TOX: variants seen among roughly 807,000 people sequenced by gnomAD.
TOX encodes thymocyte selection-associated high mobility group box protein TOX.
Under a neutral mutation model 53.7 loss-of-function variants are expected in TOX, and 11 were observed. The observed-to-expected ratio is 0.20, with a 90% confidence interval of 0.13 to 0.34. TOX has a LOEUF of 0.34. Ranked by LOEUF, TOX falls within the 10% of genes least tolerant of loss-of-function variation. The pLI is 1.00. For missense variants in TOX, 570 were observed against 664.6 expected, an observed-to-expected ratio of 0.86 and a Z score of 1.56; for synonymous variants, 225 against 245.3, an observed-to-expected ratio of 0.92 and a Z score of 0.77.
At chr8:59,099,613 C>G (rs969544323) in intron 1 of TOX, among the ~76,000 whole-genome samples, 13 of 152,270 alleles carry the variant, frequency 8.5e-5, no homozygotes, top group African/African-American at 2.9e-4. Flanking sequence ...GCACTTGGCT[C>G]AAATCTCTCT....
At chr8:58,958,510 A>G (rs1812747946) in intron 2 of TOX, among the ~76,000 whole-genome samples, 1 of 152,236 alleles carries the variant, frequency 6.6e-6, no homozygotes, top group Non-Finnish European at 1.5e-5. Context: ...TCTAATAGTA[A>G]TACTAAACTT....
chr8:58,950,369 C>T lies in TOX; in HGVS notation c.168+9574G>A, dbSNP rs144601603. On this transcript the variant is annotated intron_variant, in intron 2 of 8. Transcript: ENST00000361421. ...ATTCTGCATAAAGAAGCCAAATTAG[C>T]GGAGGACCAGAGCTAACAGAAAGCC... Among the ~76,000 whole-genome samples, 894 of 152,206 alleles carry T rather than the reference C, an allele frequency of 5.9e-3. 8 individuals are homozygous for T. The highest frequency in any genetic ancestry group is 0.02 in the African/African-American group (831 of 41,514).
At chr8:59,025,067 A>G (rs1001011447) in intron 1 of TOX, among the ~76,000 whole-genome samples, 3 of 152,174 alleles carry the variant, frequency 2.0e-5, no homozygotes, top group African/African-American at 7.2e-5. Context: ...CTTAGTAGGT[A>G]AACGGTAGAG....
chr8:58,831,482 T>C (rs1346279936), intron 5 of TOX, among the ~76,000 whole-genome samples: 3 of 152,208 alleles, frequency 2.0e-5, no homozygotes, highest in Non-Finnish European at 2.9e-5. Context: ...ATAATGAATA[T>C]GGGATAATCC....
At chr8:59,053,787 A>G (rs1803836528) in intron 1 of TOX, among the ~76,000 whole-genome samples, 1 of 152,234 alleles carries the variant, frequency 6.6e-6, no homozygotes, top group South Asian at 2.1e-4. Context: ...TAAAAGGGAA[A>G]AAAAGGAGAA....
chr8:59,017,124 A>T (rs1220071210), intron 1 of TOX, among the ~76,000 whole-genome samples: 6 of 152,250 alleles, frequency 3.9e-5, no homozygotes, highest in Admixed American at 1.3e-4. Flanking sequence ...CTGCGAGGAC[A>T]TCGTCTAGCT....
rs1182069995 is a variant in TOX at position 58,939,505 on chromosome 8, T to A, written c.208A>T (p.Ile70Phe). The change falls in exon 3 of 9, where the codon ATT becomes TTT. Residue 70 changes from isoleucine (I) to phenylalanine (F), a missense_variant. Transcript: ENST00000361421. ...AGGGAAGGAGGAGTAATTGGTGGAA[T>A]GTTGAAGTCTTCACTTTCCAGGCTT... ...GPSLESEDFN[I>F]PPITPPSLPD... 1 of 1,614,038 alleles carries A rather than the reference T, an allele frequency of 6.2e-7. No homozygotes were observed. Among genetic ancestry groups the A allele is most frequent in the Non-Finnish European group, 8.5e-7 (1 of 1,180,014 alleles).
At chr8:58,924,195 AT>A (rs900077328) in intron 3 of TOX, among the ~76,000 whole-genome samples, 5 of 152,202 alleles carry the variant, frequency 3.3e-5, no homozygotes, top group Non-Finnish European at 7.3e-5. Flanking sequence ...ACATCTTGCT[AT>A]TTTAGGTAAA....
In TOX at chr8:58,838,135, T is replaced by G. The variant is rs1408138566; in HGVS notation, c.870A>C (p.Glu290Asp). 6.2e-7 allele frequency: 1 copy of G among 1,614,218 alleles called. No individual in the cohort carries two copies. Residue 290 changes from glutamate (E) to aspartate (D), a missense_variant, in exon 5 of 9, where the codon GAA becomes GAC. Coordinates refer to ENST00000361421, the MANE Select transcript of TOX (RefSeq NM_014729.3). ...ACATTGAAGCCACAATTTTAGAGAC[T>G]TCGCCAAAGGTAGCGTTTGGATTTT... is the stretch of plus-strand genomic sequence containing the variant. The part of the protein sequence containing the change: ...KGQNPNATFG[E>D]VSKIVASMWD...
At chr8:59,105,597 T>C (rs1193060077) in intron 1 of TOX, among the ~76,000 whole-genome samples, 2 of 152,160 alleles carry the variant, frequency 1.3e-5, no homozygotes, top group Non-Finnish European at 2.9e-5. Context: ...TGTTCTAAAA[T>C]GAGTTGAGAT....
chr8:58,981,516 C>G (rs1057222856), intron 1 of TOX, among the ~76,000 whole-genome samples: 9 of 152,128 alleles, frequency 5.9e-5, no homozygotes, highest in Non-Finnish European at 1.2e-4. Flanking sequence ...CAGAAATAAT[C>G]ATGAAATTTA....
chr8:59,056,987 G>GA (rs1398993400), intron 1 of TOX, among the ~76,000 whole-genome samples: 3 of 151,914 alleles, frequency 2.0e-5, no homozygotes, highest in African/African-American at 4.8e-5. Flanking sequence ...TTTATCCCCA[G>GA]AAAAAAAGAG....
At chr8:59,005,263 C>T (rs1813769346) in intron 1 of TOX, among the ~76,000 whole-genome samples, 1 of 152,136 alleles carries the variant, frequency 6.6e-6, no homozygotes, top group Non-Finnish European at 1.5e-5. Context: ...TGGTCTTCAT[C>T]TCCTGACCTT....
intron 2 of TOX, among the ~76,000 whole-genome samples, chr8:58,958,135 C>T (rs1812741312): frequency 6.6e-6 from 1 of 152,132 alleles, no homozygotes; most frequent in Non-Finnish European, 1.5e-5. Context: ...TTATAAAGCA[C>T]AAAAGTATTT....
At chr8:59,109,724 T>C (rs1196852231) in intron 1 of TOX, among the ~76,000 whole-genome samples, 1 of 152,162 alleles carries the variant, frequency 6.6e-6, no homozygotes, top group Admixed American at 6.6e-5. Context: ...TTTTTAAAAC[T>C]TCGCAGTGAA....
Position 58,962,388 on chromosome 8 carries a change from A to ATT in TOX, c.103-2381_103-2380insAA, listed in dbSNP as rs1812815502. On this transcript the variant is annotated intron_variant, in intron 1 of 8. Coordinates refer to ENST00000361421, the MANE Select transcript of TOX (RefSeq NM_014729.3). ...TGTATTAACTGATTTAAGCATCACA[A>ATT]AACCAAGAGTTAGGTATTATTATTA... Among the ~76,000 whole-genome samples the ATT allele has an allele frequency of 6.6e-5, 10 of 152,326 alleles. No individual in the cohort carries two copies. The South Asian group carries it at 2.1e-3, about 32-fold the overall frequency.
rs1018129816 is a variant in TOX at position 58,843,473 on chromosome 8, C to T, written c.694-5162G>A. On this transcript the variant is annotated intron_variant, in intron 4 of 8. Transcript: ENST00000361421. ...GGGGGAAAAACTATGAATGAAAGAT[C>T]TCCATTTTTTATGAGATAAAATGTA... Among the ~76,000 whole-genome samples, 3 of 152,268 alleles carry T rather than the reference C, an allele frequency of 2.0e-5. No individual in the cohort carries two copies. The South Asian group carries it at 6.2e-4, about 32-fold the overall frequency.
At chr8:59,066,091 C>A (rs909007036) in intron 1 of TOX, among the ~76,000 whole-genome samples, 4 of 152,144 alleles carry the variant, frequency 2.6e-5, no homozygotes, top group African/African-American at 9.7e-5. Flanking sequence ...GGAAAGTATA[C>A]CAAACCACAG....
intron 4 of TOX, among the ~76,000 whole-genome samples, chr8:58,846,302 C>T (rs1449288558): frequency 2.6e-5 from 4 of 151,952 alleles, no homozygotes; most frequent in African/African-American, 9.7e-5. Flanking sequence ...GTATCATACA[C>T]ATTATACTAT....
Sources: allele counts gnomAD v4.1 joint callset (sites outside exome capture counted in the v4.1 genomes callset), GRCh38; gene constraint gnomAD v4.1.1; transcripts MANE v1.5; gene names NCBI Gene and HGNC (gene_info 2026-07-23, HGNC 2026-07-21).